Variants in CEP63 observed in about 807,000 individuals in gnomAD.
CEP63 encodes centrosomal protein 63.
In CEP63, 84 loss-of-function variants were observed where a neutral mutation model predicts 89.1. The observed-to-expected ratio is 0.94, with a 90% CI of 0.79 to 1.13. The LOEUF (loss-of-function observed/expected upper bound fraction) is 1.13. Ranked by LOEUF, CEP63 falls within the 50% of genes most tolerant of loss-of-function variation. The pLI, the probability that CEP63 is intolerant of heterozygous loss-of-function variation, is 0.00. For missense variants in CEP63, 838 were observed against 813.3 expected (o/e 1.03, Z -0.37); for synonymous variants, 267 against 272.5 (o/e 0.98, Z 0.20).
chr3:134,661,165 T>C, the CEP63 span, among the ~76,000 whole-genome samples: 1 of 152,208 alleles, frequency 6.6e-6, no homozygotes, highest in Non-Finnish European at 1.5e-5. Context: ...CCATGGCATA[T>C]GTGCTTCTGT....
chr3:134,673,275 G>A, the CEP63 span, among the ~76,000 whole-genome samples: 1 of 152,084 alleles, frequency 6.6e-6, no homozygotes, highest in Non-Finnish European at 1.5e-5. Context: ...TCCTCTCTGA[G>A]ATCTTCTCCA....
At chr3:134,694,255 C>T in the CEP63 span, among the ~76,000 whole-genome samples, 1 of 152,318 alleles carries the variant, frequency 6.6e-6, no homozygotes, top group African/African-American at 2.4e-5. Context: ...CAGCTGCACG[C>T]CTGCTCTCCT....
chr3:134,510,664 T>C (rs1944637421), intron 3 of CEP63: 2 of 634,764 alleles, frequency 3.2e-6, no homozygotes, highest in Admixed American at 4.1e-5. Flanking sequence ...TTCTTGCATT[T>C]CTGGAGCCCA....
At chr3:134,748,368 C>T in the CEP63 span, among the ~76,000 whole-genome samples, 4 of 151,854 alleles carry the variant, frequency 2.6e-5, no homozygotes, top group Admixed American at 1.3e-4. Context: ...ACAACAATTC[C>T]TGGGAGATTT....
At chr3:134,544,855 T>C (rs1255762690) in intron 6 of CEP63, among the ~76,000 whole-genome samples, 2 of 152,134 alleles carry the variant, frequency 1.3e-5, no homozygotes, top group Non-Finnish European at 1.5e-5. Flanking sequence ...TTTCTATTTA[T>C]TTATTTATTT....
At chr3:134,601,505 C>A in the CEP63 span, among the ~76,000 whole-genome samples, 1 of 152,224 alleles carries the variant, frequency 6.6e-6, no homozygotes, top group East Asian at 1.9e-4. Context: ...AAACACATTT[C>A]TTTAAGCCCA....
chr3:134,493,396 A>G (rs1938441923), intron 1 of CEP63, among the ~76,000 whole-genome samples: 1 of 151,732 alleles, frequency 6.6e-6, no homozygotes, highest in East Asian at 1.9e-4. Flanking sequence ...CAGTTCTCCT[A>G]GAGTGGACCA....
the CEP63 span, among the ~76,000 whole-genome samples, chr3:134,747,008 C>T: frequency 1.6e-4 from 24 of 152,168 alleles, no homozygotes; most frequent in East Asian, 4.4e-3. Flanking sequence ...ATGCCTGTGT[C>T]CTGAATGGTA....
intron 11 of CEP63, among the ~76,000 whole-genome samples, chr3:134,551,226 G>T (rs1954751503): frequency 6.6e-6 from 1 of 152,138 alleles, no homozygotes; most frequent in Non-Finnish European, 1.5e-5. Context: ...TTAAAATCAG[G>T]ATTAGGCATT....
chr3:134,667,889 G>A, the CEP63 span, among the ~76,000 whole-genome samples: 1 of 152,230 alleles, frequency 6.6e-6, no homozygotes, highest in Non-Finnish European at 1.5e-5. Context: ...AGATGATACA[G>A]AGCAAAGTAG....
chr3:134,687,626 T>A, the CEP63 span, among the ~76,000 whole-genome samples: 22 of 152,236 alleles, frequency 1.4e-4, no homozygotes, highest in African/African-American at 5.3e-4. Flanking sequence ...GTTACTCAAA[T>A]GCAAGTGGCT....
At chr3:134,687,886 T>A in the CEP63 span, among the ~76,000 whole-genome samples, 1 of 152,172 alleles carries the variant, frequency 6.6e-6, no homozygotes, top group Non-Finnish European at 1.5e-5. Flanking sequence ...AACCCACAAA[T>A]AGCTCAAATG....
intron 6 of CEP63, among the ~76,000 whole-genome samples, chr3:134,542,940 CA>C (rs10645147): frequency 2.7e-5 from 4 of 147,658 alleles, no homozygotes; most frequent in African/African-American, 2.5e-5. Flanking sequence ...GTGGTTAGTG[CA>C]AAAAAAAAAA....
chr3:134,605,004 G>A, the CEP63 span, among the ~76,000 whole-genome samples: 3 of 152,106 alleles, frequency 2.0e-5, no homozygotes, highest in Non-Finnish European at 4.4e-5. Context: ...GCAGTTCCCT[G>A]ATCCCCACCT....
the CEP63 span, among the ~76,000 whole-genome samples, chr3:134,667,536 CCTT>C: frequency 1.3e-5 from 2 of 152,246 alleles, no homozygotes; most frequent in Admixed American, 6.5e-5. Context: ...TTTATCCCCT[CCTT>C]CTCATCTCTT....
chr3:134,666,345 C>T, the CEP63 span, among the ~76,000 whole-genome samples: 63 of 152,342 alleles, frequency 4.1e-4, no homozygotes, highest in Non-Finnish European at 6.3e-4. Context: ...GAGTCTGATT[C>T]ACAGGTCGGG....
the CEP63 span, among the ~76,000 whole-genome samples, chr3:134,781,542 C>G: frequency 6.6e-6 from 1 of 152,018 alleles, no homozygotes; most frequent in Admixed American, 6.5e-5. Context: ...GCAAGCCTAC[C>G]CATCAGGGTA....
chr3:134,540,786 T>C (rs1951838497), intron 6 of CEP63, among the ~76,000 whole-genome samples: 1 of 132,646 alleles, frequency 7.5e-6, no homozygotes, highest in Non-Finnish European at 1.6e-5. Flanking sequence ...TTTTTTTAAA[T>C]CTTAATTTAT....
chr3:134,545,563 T>C, intron 6 of CEP63, 23 bp from the exon 7 acceptor site: 1 of 1,494,420 alleles, frequency 6.7e-7, no homozygotes, highest in Non-Finnish European at 9.3e-7. Context: ...TTTTACCTAT[T>C]GATTGATAGT....
Sources: gnomAD v4.1 joint callset for allele counts (sites outside exome capture counted in the v4.1 genomes callset) on GRCh38, gnomAD v4.1.1 for gene constraint, MANE v1.5 for transcripts, NCBI Gene and HGNC (gene_info 2026-07-23, HGNC 2026-07-21) for gene names.